COL4A2: variants seen among roughly 807,000 people sequenced by gnomAD.
COL4A2 encodes the protein collagen type IV alpha 2 chain.
COL4A2 carries 99 observed loss-of-function variants against 200.2 expected under a neutral mutation model. The observed-to-expected ratio is 0.49, with a 90% confidence interval of 0.42 to 0.58. The LOEUF is 0.58. COL4A2 is among the 20% of genes least tolerant of loss of function. The probability of loss-of-function intolerance (pLI) is 0.00; values close to 1 mark genes in which losing one functional copy is unlikely to be tolerated. For synonymous variants in COL4A2, 897 were observed against 900.6 expected (o/e 1.00, Z 0.07); for missense variants, 1,950 against 2,314.1 (o/e 0.84, Z 3.23).
intron 3 of COL4A2, among the ~76,000 whole-genome samples, chr13:110,317,199 GAC>G (rs1472714470): frequency 5.6e-5 from 8 of 142,688 alleles, no homozygotes; most frequent in Admixed American, 2.2e-4. Context: ...TGCACACATA[GAC>G]ACACACGTGC....
intron 21 of COL4A2, chr13:110,457,682 C>G (rs758168481): frequency 3.1e-5 from 20 of 643,468 alleles, no homozygotes; most frequent in Admixed American, 2.7e-4. Flanking sequence ...TCGTCACTGA[C>G]CTTCCTAGCA....
intron 4 of COL4A2, among the ~76,000 whole-genome samples, chr13:110,388,753 A>T (rs904134998): frequency 3.3e-5 from 5 of 152,204 alleles, no homozygotes; most frequent in African/African-American, 1.2e-4. Flanking sequence ...AAACTCTGAC[A>T]TCAGAATTTG....
intron 28 of COL4A2, among the ~76,000 whole-genome samples, chr13:110,471,800 T>G (rs1170913153): frequency 1.3e-5 from 2 of 152,160 alleles, no homozygotes; most frequent in African/African-American, 4.8e-5. Flanking sequence ...AACATTCCCT[T>G]TTCCGTATCC....
At chr13:110,314,429 T>C (rs963620557) in intron 3 of COL4A2, among the ~76,000 whole-genome samples, 1 of 152,188 alleles carries the variant, frequency 6.6e-6, no homozygotes, top group East Asian at 1.9e-4. Flanking sequence ...ATAGAGTAAG[T>C]GAACAGAAGT....
At chr13:110,393,347 G>C (rs1223201007) in intron 4 of COL4A2, among the ~76,000 whole-genome samples, 2 of 152,126 alleles carry the variant, frequency 1.3e-5, no homozygotes, top group Admixed American at 1.3e-4. Flanking sequence ...AATTTCAAAA[G>C]TTTGGAATTT....
At chr13:110,509,802 A>G (rs1884026192) in intron 47 of COL4A2, among the ~76,000 whole-genome samples, 1 of 152,070 alleles carries the variant, frequency 6.6e-6, no homozygotes, top group Non-Finnish European at 1.5e-5. Context: ...ACATCCCCAA[A>G]AGGCATGGGT....
chr13:110,397,156 G>T (rs1386384409), intron 4 of COL4A2, among the ~76,000 whole-genome samples: 1 of 152,192 alleles, frequency 6.6e-6, no homozygotes. Flanking sequence ...ACCTCCTCTG[G>T]CCGACTGTTT....
chr13:110,438,074 C>T, intron 14 of COL4A2, 37 bp downstream of exon 14: 1 of 1,593,418 alleles, frequency 6.3e-7, no homozygotes, highest in South Asian at 1.1e-5. Context: ...TCCCCTGTGG[C>T]TCCTGGGCTG....
chr13:110,446,728 G>T (rs1372918587), intron 17 of COL4A2, 70 bp from the exon 18 acceptor site: 9 of 1,365,034 alleles, frequency 6.6e-6, no homozygotes, highest in Non-Finnish European at 9.2e-6. Flanking sequence ...TTCTTCTTTG[G>T]AAATATGTGT....
At chr13:110,415,841 T>G (rs964420244) in intron 4 of COL4A2, among the ~76,000 whole-genome samples, 1 of 152,194 alleles carries the variant, frequency 6.6e-6, no homozygotes, top group Non-Finnish European at 1.5e-5. Context: ...TGTTAGCTGC[T>G]TACTACCTGC....
intron 4 of COL4A2, among the ~76,000 whole-genome samples, chr13:110,369,211 G>GTAAATAAATAAATAAATAAA (rs71127935): frequency 2.5e-4 from 37 of 150,444 alleles, no homozygotes; most frequent in African/African-American, 8.5e-4. Flanking sequence ...CTCTGTCTCA[G>GTAAATAAATAAATAAATAAA]TAAATAAATA....
chr13:110,467,154 C>G (rs1307112938), intron 27 of COL4A2, 58 bp downstream of exon 27: 1 of 1,602,510 alleles, frequency 6.2e-7, no homozygotes, highest in Non-Finnish European at 8.5e-7. Flanking sequence ...CTTCACACTG[C>G]TGTGTCTCCC....
At chr13:110,342,045 G>C (rs1279830009) in intron 3 of COL4A2, among the ~76,000 whole-genome samples, 1 of 152,176 alleles carries the variant, frequency 6.6e-6, no homozygotes, top group Non-Finnish European at 1.5e-5. Context: ...CAGAGAATGG[G>C]GATCTTGGCC....
rs111778208 is a variant in COL4A2 at position 110,345,773 on chromosome 13, C to T, written c.100-11699C>T. On this transcript the variant is annotated intron_variant, in intron 3 of 47. Transcript: ENST00000360467. ...AAGGTGGTTTCTGGCAATTGGTCCA[C>T]TGACACACCCCCAGCTGCTGTGTGG... is the stretch of plus-strand genomic sequence containing the variant. Among the ~76,000 whole-genome samples the T allele has an allele frequency of 8.5e-3, 1,300 of 152,280 alleles. 11 individuals carry two copies. Among genetic ancestry groups the T allele is most frequent in the African/African-American group, 0.028 (1,171 of 41,540 alleles).
chr13:110,438,022 G>A lies in COL4A2; in HGVS notation c.846G>A (p.Gly282=). Residue 282 remains glycine (G), a synonymous_variant, in exon 14 of 48, where the codon GGG becomes GGA. Coordinates refer to ENST00000360467, the MANE Select transcript of COL4A2 (RefSeq NM_001846.4). ...DQYKGEKGSE[G]EPGIRGISLK... is the part of the protein sequence containing the mutation. ...CACAGGGTGAAAAAGGCAGTGAGGG[G>A]GAACCAGGAATAAGAGTAAGTCGAG... The A allele has an allele frequency of 6.2e-7, 1 of 1,613,420 alleles. No individual in the cohort carries two copies. Among genetic ancestry groups the A allele is most frequent in the South Asian group, 1.1e-5 (1 of 91,030 alleles).
intron 4 of COL4A2, among the ~76,000 whole-genome samples, chr13:110,386,848 G>T (rs944317811): frequency 6.6e-6 from 1 of 152,160 alleles, no homozygotes; most frequent in African/African-American, 2.4e-5. Flanking sequence ...AACCCAGGCT[G>T]CTGGCCATCC....
chr13:110,464,455 C>G (rs538456931), intron 24 of COL4A2, among the ~76,000 whole-genome samples: 1 of 152,192 alleles, frequency 6.6e-6, no homozygotes, highest in African/African-American at 2.4e-5. Flanking sequence ...TGGCATCATC[C>G]CCACTGCTGT....
chr13:110,396,468 AC>A (rs1879186578), intron 4 of COL4A2, among the ~76,000 whole-genome samples: 1 of 152,108 alleles, frequency 6.6e-6, no homozygotes, highest in South Asian at 2.1e-4. Context: ...GGGTTGAATC[AC>A]CCTGGACTTC....
intron 3 of COL4A2, among the ~76,000 whole-genome samples, chr13:110,311,012 G>A (rs1054248368): frequency 2.0e-5 from 3 of 152,176 alleles, no homozygotes; most frequent in Non-Finnish European, 4.4e-5. Flanking sequence ...AAAGGTGGCC[G>A]GGAGGGCACT....
Sources: allele counts gnomAD v4.1 joint callset (sites outside exome capture counted in the v4.1 genomes callset), GRCh38; gene constraint gnomAD v4.1.1; transcripts MANE v1.5; gene names NCBI Gene and HGNC (gene_info 2026-07-23, HGNC 2026-07-21).